The following PRKCE variants were observed in gnomAD, a reference collection of about 807,000 sequenced individuals.
PRKCE encodes protein kinase C epsilon, also known as protein kinase C epsilon type.
A neutral mutation model predicts 85.4 loss-of-function variants in PRKCE; 16 were observed. That is an observed-to-expected ratio of 0.19 (90% CI 0.13 to 0.28). PRKCE has a LOEUF of 0.28. PRKCE is among the 10% of genes least tolerant of loss of function. PRKCE has a pLI of 1.00. For synonymous variants in PRKCE, 388 were observed against 371.5 expected, an observed-to-expected ratio of 1.04 and a Z score of -0.51; for missense variants, 573 against 975.2, an observed-to-expected ratio of 0.59 and a Z score of 5.49.
intron 1 of PRKCE, among the ~76,000 whole-genome samples, chr2:45,775,116 G>A (rs576285230): frequency 4.6e-5 from 7 of 152,190 alleles, no homozygotes; most frequent in African/African-American, 1.4e-4. Context: ...CAGGTGTCGT[G>A]GCAGGCACTT....
intron 6 of PRKCE, among the ~76,000 whole-genome samples, chr2:45,991,908 G>T (rs1703830942): frequency 6.6e-6 from 1 of 152,124 alleles, no homozygotes; most frequent in African/African-American, 2.4e-5. Context: ...TATTGGGTCT[G>T]GTCTGAGAGG....
At chr2:46,161,542 T>C (rs2104590125) in intron 14 of PRKCE, among the ~76,000 whole-genome samples, 1 of 151,902 alleles carries the variant, frequency 6.6e-6, no homozygotes, top group East Asian at 1.9e-4. Flanking sequence ...GCCCCAGCTG[T>C]ACTGGCAGAG....
chr2:46,016,769 C>T (rs1052845963), intron 10 of PRKCE, among the ~76,000 whole-genome samples: 8 of 152,002 alleles, frequency 5.3e-5, no homozygotes, highest in African/African-American at 1.9e-4. Context: ...ATTATCCGGA[C>T]ACGGTGGCGG....
At chr2:46,090,789 G>A (rs896070077) in intron 11 of PRKCE, among the ~76,000 whole-genome samples, 6 of 152,146 alleles carry the variant, frequency 3.9e-5, no homozygotes, top group Non-Finnish European at 7.3e-5. Flanking sequence ...TGATGGAGAA[G>A]CTGTACATAT....
At chr2:45,742,840 G>A (rs548429560) in intron 1 of PRKCE, among the ~76,000 whole-genome samples, 13 of 152,244 alleles carry the variant, frequency 8.5e-5, no homozygotes, top group African/African-American at 2.2e-4. Context: ...CTGCACTTTC[G>A]TGTTCACTGC....
intron 2 of PRKCE, among the ~76,000 whole-genome samples, chr2:45,922,248 C>G (rs1698301616): frequency 6.6e-6 from 1 of 152,094 alleles, no homozygotes; most frequent in African/African-American, 2.4e-5. Flanking sequence ...TTGTAAAATT[C>G]CATTAAATGG....
Position 45,884,987 on chromosome 2 carries a change from A to G in PRKCE, c.412+41924A>G, listed in dbSNP as rs1401767835. On this transcript the variant is annotated intron_variant, in intron 2 of 14. Coordinates refer to ENST00000306156, the MANE Select transcript of PRKCE (RefSeq NM_005400.3). ...TATATATATATATATATATATATAT[A>G]TATATATATATATATTTGTTGTTGT... is the stretch of plus-strand genomic sequence containing the variant. Among the ~76,000 whole-genome samples, 313 of 64,234 alleles carry G rather than the reference A, an allele frequency of 4.9e-3. 22 individuals carry two copies. In the East Asian group the frequency reaches 0.17, roughly 35 times the overall value. 42.1% of individuals were successfully genotyped at this position (64,234 alleles called of 152,430 possible).
In PRKCE at chr2:45,778,319, T is replaced by C. The variant is rs189967122; in HGVS notation, c.349-64681T>C. 1.2e-4 allele frequency among the ~76,000 whole-genome samples: 18 copies of C among 152,264 alleles called. No individual in the cohort carries two copies. In the East Asian group the frequency reaches 2.3e-3, roughly 20 times the overall value. ...TCCAGGAGGCTTTTATCTTCCAGTC[T>C]TGCTTCTCTGGAGACTGATGTCCCA... On this transcript the variant is annotated intron_variant, in intron 1 of 14. Coordinates refer to ENST00000306156, the MANE Select transcript of PRKCE (RefSeq NM_005400.3).
chr2:45,693,199 C>T (rs1300823762), intron 1 of PRKCE, among the ~76,000 whole-genome samples: 3 of 151,834 alleles, frequency 2.0e-5, no homozygotes, highest in Admixed American at 6.6e-5. Flanking sequence ...CTGAAAGGGC[C>T]GATTGGGAGA....
At chr2:46,094,305 G>A (rs1315507813) in intron 11 of PRKCE, among the ~76,000 whole-genome samples, 1 of 152,110 alleles carries the variant, frequency 6.6e-6, no homozygotes, top group East Asian at 1.9e-4. Context: ...CATCAATTTG[G>A]TGAAGCACCT....
intron 1 of PRKCE, among the ~76,000 whole-genome samples, chr2:45,684,813 C>A (rs1202684809): frequency 6.6e-6 from 1 of 152,164 alleles, no homozygotes; most frequent in Non-Finnish European, 1.5e-5. Context: ...GGAGGGAATG[C>A]ATGGGACTTG....
chr2:45,711,462 T>A (rs1205560487), intron 1 of PRKCE, among the ~76,000 whole-genome samples: 3 of 152,210 alleles, frequency 2.0e-5, no homozygotes, highest in Admixed American at 1.3e-4. Context: ...AAAATGGGGA[T>A]AATGAAAGTC....
At chr2:45,665,401 C>T (rs1044190744) in intron 1 of PRKCE, among the ~76,000 whole-genome samples, 3 of 152,186 alleles carry the variant, frequency 2.0e-5, no homozygotes, top group Non-Finnish European at 4.4e-5. Context: ...TAATAACAGT[C>T]ATCTTTTGCA....
intron 6 of PRKCE, among the ~76,000 whole-genome samples, chr2:45,992,504 C>T (rs949523777): frequency 2.6e-5 from 4 of 152,238 alleles, no homozygotes; most frequent in African/African-American, 9.6e-5. Context: ...CCCCTGCCAA[C>T]TTCCATTGCA....
Position 45,697,238 on chromosome 2 carries a change from A to AG in PRKCE, c.348+44795dup, listed in dbSNP as rs1678228304. On this transcript the variant is annotated intron_variant, in intron 1 of 14. Transcript: ENST00000306156. The surrounding 1 kb of genome is among the most constrained non-coding windows in gnomAD (Gnocchi z 4.2). ...CCTGGGAGGGCCTGTGTAGGTGAAGAGGGGGCGCACCCCACTGGCTGGCCT... is the reference window on the plus strand; with the variant it reads ...CCTGGGAGGGCCTGTGTAGGTGAAGAGGGGGGCGCACCCCACTGGCTGGCCT... Among the ~76,000 whole-genome samples, 1 of 151,608 alleles carries AG rather than the reference A, an allele frequency of 6.6e-6. No homozygotes were observed. Among genetic ancestry groups the AG allele is most frequent in the African/African-American group, 2.4e-5 (1 of 41,234 alleles).
At chr2:46,011,895 G>A (rs2104807690) in intron 10 of PRKCE, among the ~76,000 whole-genome samples, 1 of 152,148 alleles carries the variant, frequency 6.6e-6, no homozygotes, top group East Asian at 1.9e-4. Flanking sequence ...CTGAAAATCT[G>A]GAAATCATTC....
chr2:46,152,541 A>G lies in PRKCE; in HGVS notation c.1920+1312A>G, dbSNP rs115073965. ...AGGTAGAAAATCAGTATCACTTGCC[A>G]TAATGAATTAATGTAATTTTTTTTC... On this transcript the variant is annotated intron_variant, in intron 13 of 14. Transcript: ENST00000306156. Among the ~76,000 whole-genome samples the G allele has an allele frequency of 5.1e-3, 780 of 151,932 alleles. 10 individuals are homozygous for G. The highest frequency in any genetic ancestry group is 0.017 in the African/African-American group (722 of 41,410).
At position 46,072,527 on chromosome 2, in the gene PRKCE, T is replaced by C. The variant is rs1004770153; in HGVS notation, c.1438-13681T>C. ...CCAAGTGGGACAAGAAATGCAATTA[T>C]GGAGTGAAACCACAGCTATCTAAAC... On this transcript the variant is annotated intron_variant, in intron 10 of 14. Transcript: ENST00000306156. Among the ~76,000 whole-genome samples, 11 of 152,360 alleles carry C rather than the reference T, an allele frequency of 7.2e-5. No individual in the cohort carries two copies. The East Asian group carries it at 2.1e-3, about 29-fold the overall frequency.
intron 10 of PRKCE, chr2:46,078,371 TAA>T (rs11387144): frequency 5.3e-4 from 68 of 128,050 alleles, no homozygotes; most frequent in Non-Finnish European, 4.3e-4. Context: ...CTCTTGTCTC[TAA>T]AAAAAAAAAA....
Sources: gnomAD v4.1 joint callset for allele counts (sites outside exome capture counted in the v4.1 genomes callset) on GRCh38, gnomAD v4.1.1 for gene constraint, Gnocchi (gnomAD v3.1) non-coding constraint, MANE v1.5 for transcripts, NCBI Gene and HGNC (gene_info 2026-07-23, HGNC 2026-07-21) for gene names.